PDE4D: variants seen among roughly 807,000 people sequenced by gnomAD.
PDE4D encodes the protein 3',5'-cyclic-AMP phosphodiesterase 4D.
Under a neutral mutation model 87.4 loss-of-function variants are expected in PDE4D, and 24 were observed. The ratio of observed to expected loss-of-function variants is 0.27; its 90% CI spans 0.20 to 0.39. The LOEUF is 0.39. Among genes scored for constraint, PDE4D ranks in the 10% least tolerant of loss-of-function variants. PDE4D has a pLI of 1.00. For missense variants in PDE4D, 714 were observed against 1,041.0 expected, an observed-to-expected ratio of 0.69 and a Z score of 4.32; for synonymous variants, 384 against 383.2, an observed-to-expected ratio of 1.00 and a Z score of -0.02.
chr5:59,527,217 C>T (rs1181684900), intron 1 of PDE4D, among the ~76,000 whole-genome samples: 1 of 152,000 alleles, frequency 6.6e-6, no homozygotes. Flanking sequence ...TGAGTATAAG[C>T]TTATATGTAA....
intron 2 of PDE4D, among the ~76,000 whole-genome samples, chr5:60,088,489 T>C (rs939378246): frequency 2.0e-5 from 3 of 151,952 alleles, no homozygotes; most frequent in Admixed American, 2.0e-4. Flanking sequence ...TATAAAAATA[T>C]GTAAATTGAA....
intron 1 of PDE4D, chr5:60,188,428 A>C (rs1256696585): frequency 6.6e-6 from 1 of 152,148 alleles, no homozygotes; most frequent in Non-Finnish European, 1.5e-5. Flanking sequence ...CCTAAAAAGA[A>C]GAAGACAACC....
chr5:59,262,224 T>C (rs1762120667), intron 1 of PDE4D, among the ~76,000 whole-genome samples: 2 of 151,922 alleles, frequency 1.3e-5, no homozygotes, highest in South Asian at 4.1e-4. Context: ...GCAGGGTACC[T>C]GTGGCAGAAC....
chr5:59,908,643 C>T, intron 3 of PDE4D, among the ~76,000 whole-genome samples: 1 of 152,146 alleles, frequency 6.6e-6, no homozygotes. Flanking sequence ...CTATAATTCC[C>T]ATAGCTATAG....
intron 1 of PDE4D, among the ~76,000 whole-genome samples, chr5:59,876,609 TC>T (rs375274469): frequency 6.6e-6 from 1 of 152,142 alleles, no homozygotes; most frequent in African/African-American, 2.4e-5. Context: ...TCAACTGGAC[TC>T]CCCCCACCTT....
At chr5:60,424,901 A>G (rs988670583) in intron 1 of PDE4D, among the ~76,000 whole-genome samples, 1 of 152,204 alleles carries the variant, frequency 6.6e-6, no homozygotes, top group African/African-American at 2.4e-5. Context: ...AGACAAATAG[A>G]GAGCCAAATC....
chr5:60,136,432 A>G (rs1383356508), intron 2 of PDE4D, among the ~76,000 whole-genome samples: 1 of 151,794 alleles, frequency 6.6e-6, no homozygotes, highest in Non-Finnish European at 1.5e-5. Flanking sequence ...TTTCTGCCTC[A>G]GCCTCCCAAG....
chr5:60,489,508 G>A (rs897027565), upstream of PDE4D, among the ~76,000 whole-genome samples: 1 of 152,138 alleles, frequency 6.6e-6, no homozygotes, highest in South Asian at 2.1e-4. Context: ...AAAGAAAAAC[G>A]TTGCAATAGA....
At chr5:59,975,185 CT>C (rs1274866731) in intron 3 of PDE4D, among the ~76,000 whole-genome samples, 2 of 152,126 alleles carry the variant, frequency 1.3e-5, no homozygotes, top group African/African-American at 4.8e-5. Context: ...AACTGCCCAC[CT>C]TTTTGTCATC....
intron 3 of PDE4D, among the ~76,000 whole-genome samples, chr5:59,921,945 A>G (rs1264667111): frequency 6.6e-6 from 1 of 152,222 alleles, no homozygotes; most frequent in Non-Finnish European, 1.5e-5. Flanking sequence ...AAGGCACTGA[A>G]GAGGGTAGGA....
rs79125315 is a variant in PDE4D at position 59,299,095 on chromosome 5, C to A, written c.456-83127G>T. On this transcript the variant is annotated intron_variant, in intron 1 of 14. Coordinates refer to ENST00000340635, the MANE Select transcript of PDE4D (RefSeq NM_001104631.2). Reference sequence around the variant, plus strand: ...GTGCCCATAGCCTCTGAATACCCGCCTCTCAAAGCTTATTATTACAAAGAC... The same window carrying A: ...GTGCCCATAGCCTCTGAATACCCGCATCTCAAAGCTTATTATTACAAAGAC... Among the ~76,000 whole-genome samples, 401 of 152,280 alleles carry A rather than the reference C, an allele frequency of 2.6e-3. 2 individuals are homozygous for A. The highest frequency in any genetic ancestry group is 9.3e-3 in the African/African-American group (387 of 41,572).
intron 1 of PDE4D, among the ~76,000 whole-genome samples, chr5:59,883,461 G>C (rs1274210678): frequency 1.1e-4 from 16 of 152,174 alleles, no homozygotes; most frequent in Admixed American, 9.8e-4. Context: ...TGGGGCTCCA[G>C]TGCTGATAGA....
chr5:59,674,147 C>G (rs1465631933), intron 1 of PDE4D, among the ~76,000 whole-genome samples: 3 of 152,062 alleles, frequency 2.0e-5, no homozygotes, highest in African/African-American at 7.2e-5. Flanking sequence ...TAACCTATTC[C>G]TTAATATGGA....
intron 1 of PDE4D, among the ~76,000 whole-genome samples, chr5:59,424,059 T>C (rs564182592): frequency 6.2e-4 from 95 of 152,018 alleles, no homozygotes; most frequent in African/African-American, 2.1e-3. Flanking sequence ...AACTGGATAG[T>C]GGTAGAGTGG....
At chr5:59,376,744 A>T (rs541208956) in intron 1 of PDE4D, among the ~76,000 whole-genome samples, 1 of 152,310 alleles carries the variant, frequency 6.6e-6, no homozygotes, top group South Asian at 2.1e-4. Context: ...CTCAGCAAAA[A>T]GAACAAAGCT....
chr5:59,131,597 AAC>A (rs34161581), intron 5 of PDE4D, among the ~76,000 whole-genome samples: 3,208 of 118,032 alleles, frequency 0.027, 91 homozygotes, highest in African/African-American at 0.094. Context: ...GCCAATTTAA[AAC>A]ACACACACAC....
chr5:59,881,523 A>T (rs1369847911), intron 1 of PDE4D, among the ~76,000 whole-genome samples: 2 of 152,186 alleles, frequency 1.3e-5, no homozygotes, highest in African/African-American at 4.8e-5. Context: ...TAAATTGTAT[A>T]GTTATTTTTT....
chr5:59,991,946 T>C (rs1398882591), intron 2 of PDE4D, among the ~76,000 whole-genome samples: 2 of 152,148 alleles, frequency 1.3e-5, no homozygotes, highest in Non-Finnish European at 2.9e-5. Context: ...AACATTTCAG[T>C]CAGTGTACAG....
chr5:60,118,098 G>T (rs1243557137), intron 2 of PDE4D, among the ~76,000 whole-genome samples: 1 of 152,144 alleles, frequency 6.6e-6, no homozygotes, highest in Non-Finnish European at 1.5e-5. Context: ...CCACTGCATA[G>T]ATTTCAAGTT....
Sources: gnomAD v4.1 joint callset for allele counts (sites outside exome capture counted in the v4.1 genomes callset) on GRCh38, gnomAD v4.1.1 for gene constraint, MANE v1.5 for transcripts, NCBI Gene and HGNC (gene_info 2026-07-23, HGNC 2026-07-21) for gene names.